GSDMD: variants seen among roughly 807,000 people sequenced by gnomAD.
The protein encoded by GSDMD is gasdermin-D.
In GSDMD, 46 loss-of-function variants were observed where a neutral mutation model predicts 46.7. That is an observed-to-expected ratio of 0.99 (90% confidence interval 0.78 to 1.26). GSDMD has a LOEUF of 1.26. Among genes scored for constraint, GSDMD ranks in the 50% most tolerant of loss-of-function variants. The probability of loss-of-function intolerance (pLI) is 0.00; values close to 1 mark genes in which losing one functional copy is unlikely to be tolerated. For missense variants in GSDMD, 649 were observed against 638.8 expected (o/e 1.02, Z -0.17); for synonymous variants, 307 against 283.1 (o/e 1.08, Z -0.85).
rs556170069 is a variant in GSDMD, at chr8:143,561,137, G to A, written c.682+33G>A. On this transcript the variant is annotated intron_variant, in intron 5 of 10. Transcript: ENST00000262580. ...GGAGTTGGGGGTGTCTCGGGCCCAG[G>A]CCCTGGCAGAGAAACAGGGAGGCCT... 536 of 1,593,920 alleles carry A rather than the reference G, an allele frequency of 3.4e-4. 8 individuals carry two copies. In the South Asian group the frequency reaches 5.6e-3, roughly 17 times the overall value.
upstream of GSDMD, among the ~76,000 whole-genome samples, chr8:143,556,237 G>A (rs775621947): frequency 1.1e-4 from 16 of 151,988 alleles, no homozygotes; most frequent in East Asian, 5.8e-4. Context: ...AAAATTAGCC[G>A]GGTGTGGTGG....
rs747156128 is a variant in GSDMD, at chr8:143,562,841, C to T, written c.1392C>T (p.Gly464=). The change falls in exon 11 of 11, where the codon GGC becomes GGT. Residue 464 remains glycine, a synonymous_variant. Coordinates refer to ENST00000262580, the MANE Select transcript of GSDMD (RefSeq NM_024736.7). ...PHVCWEPQAQ[G]RMCALYASLA... ...TGTGCTGGGAGCCGCAGGCCCAGGGCCGCATGTGTGCACTCTACGCCTCCC... is the reference window on the plus strand; with the variant it reads ...TGTGCTGGGAGCCGCAGGCCCAGGGTCGCATGTGTGCACTCTACGCCTCCC... 2.5e-6 allele frequency: 4 copies of T among 1,611,922 alleles called. No homozygotes were observed. The highest frequency in any genetic ancestry group is 1.7e-4 in the Middle Eastern group (1 of 5,948).
In GSDMD at chr8:143,559,478, G is replaced by A. The variant is rs779897607; in HGVS notation, c.143G>A (p.Trp48Ter). The A allele has an allele frequency of 1.2e-6, 2 of 1,612,930 alleles. No individual in the cohort carries two copies. Among genetic ancestry groups the A allele is most frequent in the South Asian group, 1.1e-5 (1 of 91,086 alleles). ...GTGGTTAGGAAGCCCTCAAGCTCATGGTTCTGGAAACCCCGTTATAAGTGT... is the reference window on the plus strand; with the variant it reads ...GTGGTTAGGAAGCCCTCAAGCTCATAGTTCTGGAAACCCCGTTATAAGTGT... ...CLVVRKPSSS[W>*]FWKPRYKCVN... is the part of the protein sequence containing the mutation. The change falls in exon 2 of 11, where the codon TGG becomes TAG. Residue 48 changes from tryptophan (W) to a stop codon, truncating the protein, a stop_gained. Coordinates refer to ENST00000262580, the MANE Select transcript of GSDMD (RefSeq NM_024736.7). LOFTEE classifies it high-confidence loss of function.
rs1479271973 is a variant in GSDMD, at chr8:143,561,747, A to G, written c.742A>G (p.Lys248Glu). 1 of 1,606,692 alleles carries G rather than the reference A, an allele frequency of 6.2e-7. No individual in the cohort carries two copies. The highest frequency in any genetic ancestry group is 1.7e-5 in the Admixed American group (1 of 59,374). Residue 248 changes from lysine to glutamate, a missense_variant, in exon 7 of 11, where the codon AAG becomes GAG. Coordinates refer to ENST00000262580, the MANE Select transcript of GSDMD (RefSeq NM_024736.7). The stretch of plus-strand genomic sequence containing the variant: ...CCTCCCATGCCCCTGCCCAGGCCAC[A>G]AGCGTTCCACGAGCGAAGGCGCCTG... ...RTFQPPATGH[K>E]RSTSEGAWPQ...
chr8:143,558,978 A>T, intron 1 of GSDMD: 1 of 568,432 alleles, frequency 1.8e-6, no homozygotes, highest in South Asian at 1.6e-5. Context: ...TGGGTTTTGC[A>T]GTGGGTCCCT....
At chr8:143,560,111 C>T (rs146277165) in intron 3 of GSDMD, 142 bp downstream of exon 3, 23,665 of 807,820 alleles carry the variant, frequency 0.029, 465 homozygotes, top group Middle Eastern at 0.06. Context: ...TGGCCTCAAG[C>T]AGTCCTCCTG....
chr8:143,561,354 C>A lies in GSDMD; in HGVS notation c.683-16C>A. The A allele has an allele frequency of 6.3e-7, 1 of 1,597,012 alleles. No homozygotes were observed. The highest frequency in any genetic ancestry group is 2.2e-5 in the East Asian group (1 of 44,540). ...GGTGACATGCCTGTCCCTGTCTGCT[C>A]CCGTCTGGCTGCCAGACGTCCTTCT... is the stretch of plus-strand genomic sequence containing the variant. On this transcript the variant is annotated splice_polypyrimidine_tract_variant and intron_variant, in intron 5 of 10. Coordinates refer to ENST00000262580, the MANE Select transcript of GSDMD (RefSeq NM_024736.7).
Position 143,561,093 on chromosome 8 carries a change from ACT to A in GSDMD, c.674_675del (p.Ser225Ter). 6.2e-7 allele frequency: 1 copy of A among 1,612,820 alleles called. No homozygotes were observed. The highest frequency in any genetic ancestry group is 8.5e-7 in the Non-Finnish European group (1 of 1,179,718). On this transcript the variant is annotated frameshift_variant, in exon 5 of 11. Transcript: ENST00000262580. LOFTEE classifies it high-confidence loss of function. ...TTCCGGGTGGCCCAGCTGGTTATTG[ACT>A]CTGACTTGGGTGAGCTGGAGTTGGG...
At chr8:143,557,403 C>CGG (rs1563902839), upstream of GSDMD, among the ~76,000 whole-genome samples, 13 of 124,600 alleles carry the variant, frequency 1.0e-4, no homozygotes, top group Admixed American at 5.3e-4. Context: ...GCTGTGACGA[C>CGG]AGCTGCTGCC....
Position 143,562,248 on chromosome 8 carries a change from G to T in GSDMD, c.1036G>T (p.Asp346Tyr). ...GQSLGPVEPL[D>Y]GPAGAVLECL... ...GAGCCTTGGGCCGGTGGAGCCCCTGGACGGTCCAGCAGGTGCTGTCCTGGA... is the reference window on the plus strand; with the variant it reads ...GAGCCTTGGGCCGGTGGAGCCCCTGTACGGTCCAGCAGGTGCTGTCCTGGA... Residue 346 changes from aspartate (D) to tyrosine (Y), a missense_variant, in exon 9 of 11, where the codon GAC (aspartate) becomes TAC (tyrosine). Coordinates refer to ENST00000262580, the MANE Select transcript of GSDMD (RefSeq NM_024736.7). 6.4e-7 allele frequency: 1 copy of T among 1,562,326 alleles called. No homozygotes were observed. Among genetic ancestry groups the T allele is most frequent in the South Asian group, 1.2e-5 (1 of 86,192 alleles).
chr8:143,558,310 C>T (rs979825491), upstream of GSDMD: 19 of 1,517,780 alleles, frequency 1.3e-5, no homozygotes, highest in African/African-American at 2.2e-4. Flanking sequence ...CGGGACGGTT[C>T]CGGGAGGGCG....
chr8:143,559,280 T>TGGCCA, intron 1 of GSDMD, 52 bp from the exon 2 acceptor site: 3 of 579,430 alleles, frequency 5.2e-6, no homozygotes, highest in Non-Finnish European at 9.7e-6. Flanking sequence ...CTTCTCCCAC[T>TGGCCA]CCCTCCCGCC....
Position 143,561,190 on chromosome 8 carries a change from G to A in GSDMD, c.682+86G>A, listed in dbSNP as rs984301031. 13 of 1,369,972 alleles carry A rather than the reference G, an allele frequency of 9.5e-6. No homozygotes were observed. In the Admixed American group the frequency reaches 2.5e-4, roughly 26 times the overall value. 84.9% of individuals were successfully genotyped at this position (1,369,972 alleles called of 1,614,324 possible). On this transcript the variant is annotated intron_variant, in intron 5 of 10. Transcript: ENST00000262580. ...GGAGAGCTACCCGCCAGCTTGGGCT[G>A]CCGTGGGCCCCTGGCTGAACAACGT...
chr8:143,557,324 GCTGCCGCT>G (rs1823319975), upstream of GSDMD, among the ~76,000 whole-genome samples: 4 of 38,806 alleles, frequency 1.0e-4, no homozygotes, highest in African/African-American at 3.8e-4. Flanking sequence ...GGCGAAGGAT[GCTGCCGCT>G]ATGGTGAAGG....
At chr8:143,556,387 A>C (rs1823297112), upstream of GSDMD, among the ~76,000 whole-genome samples, 1 of 152,098 alleles carries the variant, frequency 6.6e-6, no homozygotes, top group African/African-American at 2.4e-5. Context: ...TCAAAACAAA[A>C]ACGAAAACTT....
Position 143,562,353 on chromosome 8 carries a change from G to T in GSDMD, c.1138+3G>T. 1.3e-6 allele frequency: 2 copies of T among 1,547,460 alleles called. No homozygotes were observed. The highest frequency in any genetic ancestry group is 1.7e-6 in the Non-Finnish European group (2 of 1,147,436). Reference sequence around the variant, plus strand: ...CTACCTGCTGGGGGCACTGACCAGTGAGCGGCCGCTGGGGGCAGGTGGCGG... The same window carrying T: ...CTACCTGCTGGGGGCACTGACCAGTTAGCGGCCGCTGGGGGCAGGTGGCGG... On this transcript the variant is annotated splice_donor_region_variant and intron_variant, in intron 9 of 10. Coordinates refer to ENST00000262580, the MANE Select transcript of GSDMD (RefSeq NM_024736.7).
intron 1 of GSDMD, 127 bp downstream of exon 1, chr8:143,558,578 A>G: frequency 4.2e-6 from 4 of 947,990 alleles, no homozygotes; most frequent in Non-Finnish European, 5.9e-6. Flanking sequence ...CGCGCCGCAC[A>G]CGGGGGCGGA....
At chr8:143,557,332 TA>T (rs1563902599), upstream of GSDMD, among the ~76,000 whole-genome samples, 1,123 of 43,402 alleles carry the variant, frequency 0.026, 33 homozygotes, top group African/African-American at 0.078. Flanking sequence ...ATGCTGCCGC[TA>T]TGGTGAAGGA....
intron 1 of GSDMD, chr8:143,558,683 T>G: frequency 1.4e-5 from 8 of 562,168 alleles, no homozygotes; most frequent in Non-Finnish European, 1.6e-5. Flanking sequence ...GCCATCCAGG[T>G]TCCCGGGCCG....
Sources: gnomAD v4.1 joint callset for allele counts (sites outside exome capture counted in the v4.1 genomes callset) on GRCh38, gnomAD v4.1.1 for gene constraint, MANE v1.5 for transcripts, NCBI Gene and HGNC (gene_info 2026-07-23, HGNC 2026-07-21) for gene names.